ARHGAP10: variants seen among roughly 807,000 people sequenced by gnomAD.
ARHGAP10 encodes Rho GTPase activating protein 10, also known as rho GTPase-activating protein 10.
ARHGAP10 carries 87 observed loss-of-function variants against 108.6 expected under a neutral mutation model. That is an observed-to-expected ratio of 0.80 (90% CI 0.67 to 0.96). The LOEUF (loss-of-function observed/expected upper bound fraction) is 0.96. Among genes scored for constraint, ARHGAP10 ranks in the 40% least tolerant of loss-of-function variants. ARHGAP10 has a pLI of 0.00. For synonymous variants in ARHGAP10, 347 were observed against 341.1 expected, an observed-to-expected ratio of 1.02 and a Z score of -0.19; for missense variants, 939 against 954.5, an observed-to-expected ratio of 0.98 and a Z score of 0.21.
At chr4:148,071,942 G>GGC (rs1730199887) in intron 22 of ARHGAP10, 51 bp from the exon 23 acceptor site, 1 of 1,518,328 alleles carries the variant, frequency 6.6e-7, no homozygotes, top group African/African-American at 1.4e-5. Context: ...ACACCCAGGA[G>GGC]GCAAGTACTT....
At chr4:148,064,335 G>T in intron 21 of ARHGAP10, 81 bp from the exon 22 acceptor site, 1 of 1,221,722 alleles carries the variant, frequency 8.2e-7, no homozygotes, top group Non-Finnish European at 1.2e-6. Context: ...AGTGAGATTT[G>T]GGGAAGGGGG....
At chr4:147,951,153 T>C (rs1738583729) in intron 15 of ARHGAP10, among the ~76,000 whole-genome samples, 1 of 152,188 alleles carries the variant, frequency 6.6e-6, no homozygotes, top group Non-Finnish European at 1.5e-5. Context: ...GGCAATGATA[T>C]AAGTAACTTG....
At chr4:147,753,571 C>T (rs771555378) in intron 1 of ARHGAP10, among the ~76,000 whole-genome samples, 1 of 147,988 alleles carries the variant, frequency 6.8e-6, no homozygotes, top group Non-Finnish European at 1.5e-5. Context: ...CCAGGTTGGT[C>T]TTGAACTCCT....
chr4:147,820,708 A>G (rs1374386614), intron 1 of ARHGAP10, among the ~76,000 whole-genome samples: 4 of 145,436 alleles, frequency 2.8e-5, no homozygotes, highest in Non-Finnish European at 1.5e-5. Flanking sequence ...CTCGTGCCTC[A>G]GCCTCCCAAG....
chr4:147,983,335 G>A (rs552468932), intron 18 of ARHGAP10, among the ~76,000 whole-genome samples: 68 of 151,708 alleles, frequency 4.5e-4, no homozygotes, highest in African/African-American at 1.6e-3. Flanking sequence ...ACAGGCGCCC[G>A]CCACCACGCC....
At chr4:147,902,949 A>G (rs1736310490) in intron 10 of ARHGAP10, among the ~76,000 whole-genome samples, 1 of 152,022 alleles carries the variant, frequency 6.6e-6, no homozygotes, top group South Asian at 2.1e-4. Context: ...CAGGCTATAT[A>G]CTTTCCAAAA....
At chr4:148,046,760 G>C in intron 19 of ARHGAP10, 132 bp from the exon 20 acceptor site, 1 of 864,962 alleles carries the variant, frequency 1.2e-6, no homozygotes, top group Non-Finnish European at 1.7e-6. Context: ...AGGACACCCA[G>C]ATACTGTCAG....
At chr4:148,023,242 T>C in intron 18 of ARHGAP10, 21 bp from the exon 19 acceptor site, 1 of 1,613,084 alleles carries the variant, frequency 6.2e-7, no homozygotes. Context: ...ATAATTCCTG[T>C]CCTTTATGCT....
At chr4:147,942,918 T>G (rs1738213903) in intron 14 of ARHGAP10, among the ~76,000 whole-genome samples, 2 of 152,266 alleles carry the variant, frequency 1.3e-5, no homozygotes, top group Non-Finnish European at 2.9e-5. Flanking sequence ...GCCTGCCTTT[T>G]TCTTCCCCTT....
intron 13 of ARHGAP10, among the ~76,000 whole-genome samples, chr4:147,930,339 T>C (rs1737628890): frequency 6.6e-6 from 1 of 152,236 alleles, no homozygotes. Flanking sequence ...TTTCCCTTAC[T>C]GATTAATCAT....
chr4:147,775,938 A>C (rs1238750719), intron 1 of ARHGAP10, among the ~76,000 whole-genome samples: 1 of 152,200 alleles, frequency 6.6e-6, no homozygotes, highest in Non-Finnish European at 1.5e-5. Flanking sequence ...ACACACTAGG[A>C]AACTGAGGCA....
intron 1 of ARHGAP10, among the ~76,000 whole-genome samples, chr4:147,747,117 G>C (rs1464591631): frequency 2.0e-5 from 3 of 151,764 alleles, no homozygotes; most frequent in Admixed American, 2.0e-4. Context: ...TTCACACTTT[G>C]TTCTGTTGCA....
chr4:148,029,298 A>C (rs1578805871), intron 19 of ARHGAP10, among the ~76,000 whole-genome samples: 1 of 152,290 alleles, frequency 6.6e-6, no homozygotes, highest in Non-Finnish European at 1.5e-5. Context: ...ATGGGAGGCC[A>C]CTCACTCTAG....
At chr4:147,907,620 G>A (rs1736550737) in intron 11 of ARHGAP10, among the ~76,000 whole-genome samples, 1 of 152,188 alleles carries the variant, frequency 6.6e-6, no homozygotes, top group South Asian at 2.1e-4. Context: ...AACAGAGAGC[G>A]CATTGGTGAG....
chr4:147,784,133 G>GTGTATTATATAATTTACATAACATTAAAT (rs1730700159), intron 1 of ARHGAP10, among the ~76,000 whole-genome samples: 1 of 84,236 alleles, frequency 1.2e-5, no homozygotes, highest in African/African-American at 4.1e-5. Context: ...ACATTAAATT[G>GTGTATTATATAATTTACATAACATTAAAT]TGTATTATAT....
At chr4:147,967,460 G>A (rs752402550) in intron 18 of ARHGAP10, among the ~76,000 whole-genome samples, 9 of 152,202 alleles carry the variant, frequency 5.9e-5, no homozygotes, top group Non-Finnish European at 1.0e-4. Flanking sequence ...TGGGGAGCAG[G>A]GAAGGGTAAA....
At chr4:147,900,155 A>T (rs899149740) in intron 10 of ARHGAP10, among the ~76,000 whole-genome samples, 3 of 152,164 alleles carry the variant, frequency 2.0e-5, no homozygotes, top group Non-Finnish European at 4.4e-5. Flanking sequence ...GTTGAAAGAG[A>T]CTTAATAGAT....
In ARHGAP10 at chr4:148,072,220, C is replaced by CCCCG; in HGVS notation, c.*139_*140insCCCG. ...GGAGTTACCATCATCACAGTCAGCCCTGGGGGTGGGGGGTGGTGGGCAGGG... is the reference window on the plus strand; with the variant it reads ...GGAGTTACCATCATCACAGTCAGCCCCCCGTGGGGGTGGGGGGTGGTGGGCAGGG... On this transcript the variant is annotated 3_prime_UTR_variant, in exon 23 of 23. Coordinates refer to ENST00000336498, the MANE Select transcript of ARHGAP10 (RefSeq NM_024605.4). 6 of 375,822 alleles carry CCCCG rather than the reference C, an allele frequency of 1.6e-5. No individual in the cohort carries two copies. Among genetic ancestry groups the CCCCG allele is most frequent in the East Asian group, 7.1e-5 (1 of 14,090 alleles). The allele number at this position is 375,822 out of a possible 1,614,324, so 23.3% of individuals were successfully genotyped here.
chr4:147,808,198 C>T (rs917298052), intron 1 of ARHGAP10, among the ~76,000 whole-genome samples: 1 of 152,064 alleles, frequency 6.6e-6, no homozygotes, highest in Non-Finnish European at 1.5e-5. Context: ...CGGAGGTGAG[C>T]CCACTGAGAG....
Sources: allele counts gnomAD v4.1 joint callset (sites outside exome capture counted in the v4.1 genomes callset), GRCh38; gene constraint gnomAD v4.1.1; transcripts MANE v1.5; gene names NCBI Gene and HGNC (gene_info 2026-07-23, HGNC 2026-07-21).